The following WWOX variants were observed in gnomAD, a reference collection of about 807,000 sequenced individuals.
WWOX encodes the protein WW domain containing oxidoreductase.
A neutral mutation model predicts 46.2 loss-of-function variants in WWOX; 69 were observed. The ratio of observed to expected loss-of-function variants is 1.49; its 90% confidence interval spans 1.23 to 1.82. The LOEUF is 1.82. Among genes scored for constraint, WWOX ranks in the 40% most tolerant of loss-of-function variants. The pLI is 0.00. For missense variants in WWOX, 919 were observed against 542.6 expected (o/e 1.69, Z -6.89); for synonymous variants, 359 against 202.6 (o/e 1.77, Z -6.56).
chr16:78,493,388 G>T (rs1247225895), intron 8 of WWOX, among the ~76,000 whole-genome samples: 1 of 152,140 alleles, frequency 6.6e-6, no homozygotes, highest in Admixed American at 6.5e-5. Flanking sequence ...TTTAGGCGTG[G>T]CTTGATTTAT....
At chr16:78,685,959 G>C (rs982020701) in intron 8 of WWOX, among the ~76,000 whole-genome samples, 1 of 151,838 alleles carries the variant, frequency 6.6e-6, no homozygotes, top group Non-Finnish European at 1.5e-5. Context: ...ATGGACCCAC[G>C]GGGAATGGGA....
intron 8 of WWOX, among the ~76,000 whole-genome samples, chr16:79,167,578 C>A (rs1001678621): frequency 6.6e-6 from 1 of 152,118 alleles, no homozygotes; most frequent in Non-Finnish European, 1.5e-5. Context: ...CATCGTAATT[C>A]CCATCAGCTT....
chr16:78,903,434 G>A (rs556634246), intron 8 of WWOX, among the ~76,000 whole-genome samples: 113 of 152,318 alleles, frequency 7.4e-4, no homozygotes, highest in African/African-American at 2.7e-3. Context: ...ATCAGAGGCT[G>A]AAGTGAAGTT....
intron 8 of WWOX, among the ~76,000 whole-genome samples, chr16:78,663,071 A>C (rs1279382152): frequency 6.6e-6 from 1 of 152,150 alleles, no homozygotes; most frequent in Non-Finnish European, 1.5e-5. Context: ...TATAGTCACA[A>C]ACTTGTGCAG....
At chr16:78,883,857 T>A (rs115967989) in intron 8 of WWOX, among the ~76,000 whole-genome samples, 721 of 152,260 alleles carry the variant, frequency 4.7e-3, no homozygotes, top group African/African-American at 0.017. Context: ...GTAATACTAA[T>A]ATTCTAAACT....
intron 8 of WWOX, among the ~76,000 whole-genome samples, chr16:78,472,227 AT>A (rs2084239677): frequency 6.6e-6 from 1 of 152,164 alleles, no homozygotes; most frequent in Non-Finnish European, 1.5e-5. Flanking sequence ...TGCATATTGC[AT>A]TCCTGTGACC....
chr16:78,560,090 C>A (rs1473010692), intron 8 of WWOX, among the ~76,000 whole-genome samples: 2 of 152,078 alleles, frequency 1.3e-5, no homozygotes, highest in African/African-American at 4.8e-5. Flanking sequence ...CCATTTTTTT[C>A]TCCCGTCTCT....
chr16:78,366,027 T>C (rs2081528635), intron 5 of WWOX, among the ~76,000 whole-genome samples: 1 of 152,192 alleles, frequency 6.6e-6, no homozygotes. Flanking sequence ...AAAGTATCAC[T>C]GGTTAATCAG....
chr16:79,173,341 G>A (rs6564653), intron 8 of WWOX, among the ~76,000 whole-genome samples: 1 of 151,896 alleles, frequency 6.6e-6, no homozygotes, highest in East Asian at 1.9e-4. Context: ...TGTATGTTTG[G>A]GGTACAACTC....
At chr16:78,887,307 G>A (rs533009015) in intron 8 of WWOX, among the ~76,000 whole-genome samples, 1 of 151,976 alleles carries the variant, frequency 6.6e-6, no homozygotes, top group East Asian at 1.9e-4. Context: ...TCTCTATGCA[G>A]CCCAACTCTA....
chr16:78,260,346 AG>A (rs1171823468), intron 5 of WWOX, among the ~76,000 whole-genome samples: 1 of 151,682 alleles, frequency 6.6e-6, no homozygotes, highest in African/African-American at 2.4e-5. Context: ...GCAGCCTGAA[AG>A]ATCGAAGCCA....
chr16:78,916,690 G>C (rs527301904), intron 8 of WWOX, among the ~76,000 whole-genome samples: 5 of 152,264 alleles, frequency 3.3e-5, no homozygotes, highest in African/African-American at 1.2e-4. Context: ...CAATATCTCA[G>C]ACTTGAAACA....
intron 8 of WWOX, among the ~76,000 whole-genome samples, chr16:78,876,291 T>C (rs1195468400): frequency 1.3e-5 from 2 of 152,154 alleles, no homozygotes; most frequent in African/African-American, 4.8e-5. Context: ...CATTGTACTT[T>C]AGTCTAAGTG....
chr16:78,958,502 T>C (rs1254330363), intron 8 of WWOX, among the ~76,000 whole-genome samples: 1 of 152,248 alleles, frequency 6.6e-6, no homozygotes, highest in Non-Finnish European at 1.5e-5. Flanking sequence ...CACACTTTAC[T>C]ACAATCCATA....
chr16:78,503,822 C>G (rs879879994), intron 8 of WWOX: 1 of 152,216 alleles, frequency 6.6e-6, no homozygotes, highest in East Asian at 1.9e-4. Flanking sequence ...GATGTCGACT[C>G]TTTTTCCTCT....
chr16:78,230,901 C>T (rs74976842), intron 5 of WWOX, among the ~76,000 whole-genome samples: 1,783 of 152,322 alleles, frequency 0.012, 20 homozygotes, highest in African/African-American at 0.024. Flanking sequence ...GTGCAGAAAA[C>T]GGAGAGGAGG....
At chr16:78,133,050 A>G (rs2033658265) in intron 4 of WWOX, among the ~76,000 whole-genome samples, 1 of 152,120 alleles carries the variant, frequency 6.6e-6, no homozygotes. Flanking sequence ...TTTACTTCTT[A>G]TTATGTAAAA....
At chr16:79,007,496 A>G (rs2047213730) in intron 8 of WWOX, among the ~76,000 whole-genome samples, 1 of 152,200 alleles carries the variant, frequency 6.6e-6, no homozygotes, top group African/African-American at 2.4e-5. Context: ...GATCCGGGAG[A>G]AAGATGATGA....
At chr16:79,112,849 C>G (rs73576952) in intron 8 of WWOX, among the ~76,000 whole-genome samples, 4,336 of 152,198 alleles carry the variant, frequency 0.028, 231 homozygotes, top group African/African-American at 0.099. Context: ...AGGTCAGATT[C>G]TGAAGTGAGC....
Sources: allele counts gnomAD v4.1 joint callset (sites outside exome capture counted in the v4.1 genomes callset), GRCh38; gene constraint gnomAD v4.1.1; transcripts MANE v1.5; gene names NCBI Gene and HGNC (gene_info 2026-07-23, HGNC 2026-07-21).